Variants in TCF20 observed in about 807,000 individuals in gnomAD.
TCF20 encodes SPRE-binding protein.
In TCF20, 3 loss-of-function variants were observed where a neutral mutation model predicts 148.6. The observed-to-expected ratio is 0.02, with a 90% CI of 0.01 to 0.05. The LOEUF is 0.05. Among genes scored for constraint, TCF20 ranks in the 10% least tolerant of loss-of-function variants. TCF20 has a pLI of 1.00. For synonymous variants in TCF20, 1,049 were observed against 909.5 expected, an observed-to-expected ratio of 1.15 and a Z score of -2.76; for missense variants, 2,350 against 2,429.3, an observed-to-expected ratio of 0.97 and a Z score of 0.69.
intron 1 of TCF20, among the ~76,000 whole-genome samples, chr22:42,326,017 T>A (rs1330030400): frequency 4.6e-5 from 7 of 152,112 alleles, no homozygotes; most frequent in Admixed American, 2.0e-4. Context: ...GTGCACCACC[T>A]AAGGCCCCCT....
chr22:42,288,280 G>A (rs1927067469), upstream of TCF20, among the ~76,000 whole-genome samples: 1 of 152,124 alleles, frequency 6.6e-6, no homozygotes, highest in Admixed American at 6.5e-5. Flanking sequence ...GCTCACGCCT[G>A]TAATCCCAGA....
chr22:42,322,743 C>T (rs1236202796), intron 1 of TCF20, among the ~76,000 whole-genome samples: 4 of 121,902 alleles, frequency 3.3e-5, no homozygotes, highest in African/African-American at 9.3e-5. Context: ...AATGAGTGCC[C>T]GAGGGAATGA....
chr22:42,238,411 G>A (rs1924074575), intron 1 of TCF20, among the ~76,000 whole-genome samples: 1 of 152,196 alleles, frequency 6.6e-6, no homozygotes, highest in African/African-American at 2.4e-5. Flanking sequence ...TCAGCAATAA[G>A]CTGTTTCGTT....
chr22:42,209,270 G>C (rs1920922730), intron 2 of TCF20, among the ~76,000 whole-genome samples: 1 of 152,084 alleles, frequency 6.6e-6, no homozygotes, highest in African/African-American at 2.4e-5. Context: ...GGAAGAAATG[G>C]GATTCAGGAA....
chr22:42,262,015 G>A (rs908944076), intron 1 of TCF20, among the ~76,000 whole-genome samples: 7 of 152,078 alleles, frequency 4.6e-5, no homozygotes, highest in South Asian at 2.1e-4. Flanking sequence ...AGGTGGGAAA[G>A]AGCTTGCTAC....
chr22:42,266,178 A>G (rs941918664), intron 1 of TCF20, among the ~76,000 whole-genome samples: 2 of 152,140 alleles, frequency 1.3e-5, no homozygotes. Context: ...CAACAAACCT[A>G]GTACAGCACA....
rs542069414 is a variant in TCF20, at chr22:42,267,834, T to C, written c.-37+2505A>G. On this transcript the variant is annotated intron_variant, in intron 1 of 5. Coordinates refer to ENST00000677622, the MANE Select transcript of TCF20 (RefSeq NM_001378418.1). Reference sequence around the variant, plus strand: ...TATGCTGGGATCCTTTTGGAAACTGTTCAAAGAGACTGAATCAAAAAGTGA... The same window carrying C: ...TATGCTGGGATCCTTTTGGAAACTGCTCAAAGAGACTGAATCAAAAAGTGA... Among the ~76,000 whole-genome samples, 4 of 152,276 alleles carry C rather than the reference T, an allele frequency of 2.6e-5. No homozygotes were observed. In the East Asian group the frequency reaches 7.7e-4, roughly 29 times the overall value.
Position 42,290,797 on chromosome 22 carries a change from C to T in TCF20, c.-37+52682G>A, listed in dbSNP as rs1355483523. On this transcript the variant is annotated intron_variant, in intron 1 of 1. Coordinates refer to the TCF20 transcript ENST00000515426. This position sits in a 1 kb window ranked among gnomAD's most constrained non-coding sequence, Gnocchi z 4.2. Reference sequence around the variant, plus strand: ...GGCAATTCAAGGACGAGGTCAGCCTCCCAGAGCACACAGGGGCCTTGGGGC... The same window carrying T: ...GGCAATTCAAGGACGAGGTCAGCCTTCCAGAGCACACAGGGGCCTTGGGGC... Among the ~76,000 whole-genome samples, 1 of 152,228 alleles carries T rather than the reference C, an allele frequency of 6.6e-6. No homozygotes were observed. The highest frequency in any genetic ancestry group is 2.4e-5 in the African/African-American group (1 of 41,470).
chr22:42,284,706 A>G (rs1260176504), upstream of TCF20, among the ~76,000 whole-genome samples: 1 of 152,222 alleles, frequency 6.6e-6, no homozygotes, highest in Non-Finnish European at 1.5e-5. Context: ...CAGGGAGGCC[A>G]CAGCAAGAGG....
At chr22:42,191,446 G>A (rs999267995) in intron 2 of TCF20, among the ~76,000 whole-genome samples, 12 of 151,964 alleles carry the variant, frequency 7.9e-5, no homozygotes, top group Non-Finnish European at 1.5e-4. Flanking sequence ...CCACCATCAC[G>A]TCCAGCTAAC....
chr22:42,233,968 A>G (rs1317210708), intron 1 of TCF20, among the ~76,000 whole-genome samples: 2 of 152,254 alleles, frequency 1.3e-5, no homozygotes, highest in African/African-American at 4.8e-5. Flanking sequence ...AGAGTTTTTA[A>G]AATTACTTTC....
chr22:42,317,894 C>A lies in TCF20; in HGVS notation c.-37+25585G>T, dbSNP rs1310270041. On this transcript the variant is annotated intron_variant, in intron 1 of 1. Transcript: ENST00000515426. The surrounding 1 kb of genome is among the most constrained non-coding windows in gnomAD (Gnocchi z 4.2). ...ATCCCACTCGAGCCCAGGCGGGGCA[C>A]CCTCCTGGCTGCCTGCCGTGCATGC... 6.6e-6 allele frequency among the ~76,000 whole-genome samples: 1 copy of A among 152,218 alleles called. No individual in the cohort carries two copies. Among genetic ancestry groups the A allele is most frequent in the African/African-American group, 2.4e-5 (1 of 41,464 alleles).
At position 42,160,363 on chromosome 22, in the gene TCF20, C is replaced by T. The variant is rs1430289705; in HGVS notation, c.*1040G>A. Reference sequence around the variant, plus strand: ...CCTGGTCAGCTTAACCCACTCTGATCACAGCGACAGTCCCTCCCCGTCCCT... The same window carrying T: ...CCTGGTCAGCTTAACCCACTCTGATTACAGCGACAGTCCCTCCCCGTCCCT... On this transcript the variant is annotated 3_prime_UTR_variant, in exon 6 of 6. Transcript: ENST00000677622. 2 of 152,614 alleles carry T rather than the reference C, an allele frequency of 1.3e-5. No homozygotes were observed. The highest frequency in any genetic ancestry group is 4.8e-5 in the African/African-American group (2 of 41,428). 9.5% of individuals were successfully genotyped at this position (152,614 alleles called of 1,614,324 possible).
At chr22:42,324,916 T>G (rs1357906243) in intron 1 of TCF20, among the ~76,000 whole-genome samples, 1 of 152,216 alleles carries the variant, frequency 6.6e-6, no homozygotes, top group East Asian at 1.9e-4. Flanking sequence ...GCCTCAGGTC[T>G]GGGGATGAAG....
At chr22:42,202,281 A>AT (rs1938084026) in intron 2 of TCF20, among the ~76,000 whole-genome samples, 1 of 152,214 alleles carries the variant, frequency 6.6e-6, no homozygotes, top group African/African-American at 2.4e-5. Flanking sequence ...TGCAGCTTGC[A>AT]TTTCCTCTGA....
At chr22:42,203,397 A>G (rs938373208) in intron 2 of TCF20, among the ~76,000 whole-genome samples, 6 of 151,726 alleles carry the variant, frequency 4.0e-5, no homozygotes, top group Non-Finnish European at 8.8e-5. Context: ...CTCTAGAGAG[A>G]AAAAAAAAGT....
intron 1 of TCF20, among the ~76,000 whole-genome samples, chr22:42,240,407 T>C (rs976450901): frequency 2.0e-5 from 3 of 152,202 alleles, no homozygotes; most frequent in Non-Finnish European, 4.4e-5. Flanking sequence ...ATATGGTCAC[T>C]TGTTTCAAGG....
rs761806721 is a variant in TCF20, at chr22:42,210,039, G to T, written c.5267C>A (p.Ala1756Asp). ...QSKVKVRHKS[A>D]SNGSKTDTEE... ...AGTGTCCGTCTTGGAGCCATTAGAA[G>T]CACTTTTGTGCCGTACCTTAACTTT... The change falls in exon 2 of 6, where the codon GCT (alanine) becomes GAT (aspartate). Residue 1756 changes from alanine to aspartate, a missense_variant. Around this residue, in one of 7 missense-constraint regions of TCF20, gnomAD observed 374 missense variants for 398.3 expected, o/e 0.94. Coordinates refer to ENST00000677622, the MANE Select transcript of TCF20 (RefSeq NM_001378418.1). The surrounding 1 kb of genome is among the most constrained non-coding windows in gnomAD (Gnocchi z 4.7). 4.3e-6 allele frequency: 7 copies of T among 1,612,900 alleles called. No individual in the cohort carries two copies. Among genetic ancestry groups the T allele is most frequent in the Non-Finnish European group, 5.9e-6 (7 of 1,180,020 alleles).
In TCF20 at chr22:42,231,077, G is replaced by A. The variant is rs558838926; in HGVS notation, c.-36-15736C>T. Among the ~76,000 whole-genome samples the A allele has an allele frequency of 2.4e-4, 37 of 152,176 alleles. No individual in the cohort carries two copies. The South Asian group carries it at 5.0e-3, about 20-fold the overall frequency. Reference sequence around the variant, plus strand: ...CTTGGGAGGCTAAGGCAGGAGAATCGCTTGAACTCGCGACATGGAGGCTGC... The same window carrying A: ...CTTGGGAGGCTAAGGCAGGAGAATCACTTGAACTCGCGACATGGAGGCTGC... On this transcript the variant is annotated intron_variant, in intron 1 of 5. Coordinates refer to ENST00000677622, the MANE Select transcript of TCF20 (RefSeq NM_001378418.1).
Sources: gnomAD v4.1 joint callset for allele counts (sites outside exome capture counted in the v4.1 genomes callset) on GRCh38, gnomAD v4.1.1 for gene constraint, gnomAD v4.1.1 regional missense constraint, Gnocchi (gnomAD v3.1) non-coding constraint, MANE v1.5 for transcripts, NCBI Gene and HGNC (gene_info 2026-07-23, HGNC 2026-07-21) for gene names.